Variants in MFN2 observed in about 807,000 individuals in gnomAD.
MFN2 encodes mitofusin 2.
In MFN2, 43 loss-of-function variants were observed where a neutral mutation model predicts 87.5. That is an observed-to-expected ratio of 0.49 (90% CI 0.38 to 0.63). MFN2 has a LOEUF of 0.63. Among genes scored for constraint, MFN2 ranks in the 30% least tolerant of loss-of-function variants. MFN2 has a pLI of 0.00. For missense variants in MFN2, 743 were observed against 972.8 expected, an observed-to-expected ratio of 0.76 and a Z score of 3.14; for synonymous variants, 337 against 359.9, an observed-to-expected ratio of 0.94 and a Z score of 0.72.
At chr1:11,991,623 G>A (rs1356402548) in intron 3 of MFN2, among the ~76,000 whole-genome samples, 2 of 152,132 alleles carry the variant, frequency 1.3e-5, no homozygotes, top group Non-Finnish European at 2.9e-5. Context: ...GGCAGGGAGG[G>A]CCTCAAGAAG....
intron 3 of MFN2, among the ~76,000 whole-genome samples, chr1:11,989,646 G>C (rs1034841058): frequency 6.6e-6 from 1 of 152,142 alleles, no homozygotes; most frequent in Non-Finnish European, 1.5e-5. Context: ...AGAGTTGTCC[G>C]ATACCTTGTA....
At position 11,996,248 on chromosome 1, in the gene MFN2, G is replaced by A. The variant is rs1443036026; in HGVS notation, c.404G>A (p.Arg135Gln). The change falls in exon 5 of 19, where the codon CGG becomes CAG. Residue 135 changes from arginine (R) to glutamine (Q), a missense_variant. Transcript: ENST00000235329. ...GGCCACACCACCAATTGCTTCCTGC[G>A]GGTAGAGGGCACAGATGGCCATGAG... is the stretch of plus-strand genomic sequence containing the variant. ...GIGHTTNCFL[R>Q]VEGTDGHEAF... is the part of the protein sequence containing the mutation. 1.2e-6 allele frequency: 2 copies of A among 1,614,072 alleles called. No homozygotes were observed. The highest frequency in any genetic ancestry group is 1.3e-5 in the African/African-American group (1 of 74,926).
chr1:12,001,875 T>TCCCCAGCTCCCATTGGCTGTGTCC, intron 10 of MFN2, 39 bp downstream of exon 10: 8 of 1,613,744 alleles, frequency 5.0e-6, no homozygotes, highest in Non-Finnish European at 6.8e-6. Flanking sequence ...ATTCTGTGCC[T>TCCCCAGCTCCCATTGGCTGTGTCC]CCCCAGCTCC....
chr1:11,998,823 TG>T lies in MFN2; in HGVS notation c.655del (p.Asp219MetfsTer15). 1 of 1,614,182 alleles carries T rather than the reference TG, an allele frequency of 6.2e-7. No homozygotes were observed. Among genetic ancestry groups the T allele is most frequent in the Non-Finnish European group, 8.5e-7 (1 of 1,180,034 alleles). On this transcript the variant is annotated frameshift_variant, in exon 7 of 19. Coordinates refer to ENST00000235329, the MANE Select transcript of MFN2 (RefSeq NM_014874.4). LOFTEE classifies it high-confidence loss of function. The stretch of plus-strand genomic sequence containing the variant: ...GACAGCTGGATTGACAAGTTTTGTC[TG>T]GATGCTGATGTGTTTGTGCTGGTGG... The part of the protein sequence containing the change: ...ELDSWIDKFC[L>X]DADVFVLVAN...
At chr1:11,986,098 T>C (rs1638392882) in intron 2 of MFN2, among the ~76,000 whole-genome samples, 1 of 152,202 alleles carries the variant, frequency 6.6e-6, no homozygotes, top group South Asian at 2.1e-4. Flanking sequence ...AACTTGTTGG[T>C]TTGGGCACAC....
chr1:11,988,858 G>A (rs535940509), intron 2 of MFN2, among the ~76,000 whole-genome samples: 1 of 151,912 alleles, frequency 6.6e-6, no homozygotes, highest in South Asian at 2.1e-4. Flanking sequence ...GTGCCATTGG[G>A]TCTGGCTAAT....
chr1:11,982,819 T>G (rs1646009870), intron 2 of MFN2, among the ~76,000 whole-genome samples: 1 of 152,214 alleles, frequency 6.6e-6, no homozygotes, highest in Non-Finnish European at 1.5e-5. Flanking sequence ...CCTGGCACTT[T>G]TTAGGGGTAG....
At chr1:12,005,458 TG>T (rs1379033174) in intron 14 of MFN2, among the ~76,000 whole-genome samples, 2 of 152,352 alleles carry the variant, frequency 1.3e-5, no homozygotes, top group East Asian at 3.9e-4. Context: ...GGCTGAGAAT[TG>T]GGCCTGCTCC....
At chr1:11,988,633 T>G (rs1278885311) in intron 2 of MFN2, among the ~76,000 whole-genome samples, 1 of 152,052 alleles carries the variant, frequency 6.6e-6, no homozygotes, top group East Asian at 1.9e-4. Flanking sequence ...ACTCCTGGGC[T>G]CAAGTGACCC....
intron 11 of MFN2, 31 bp downstream of exon 11, chr1:12,002,134 AGAGCTGC>A: frequency 6.2e-7 from 1 of 1,613,884 alleles, no homozygotes; most frequent in South Asian, 1.1e-5. Flanking sequence ...ATAGGTGGAG[AGAGCTGC>A]CGAGACAAGG....
chr1:11,993,940 G>A (rs17039500), intron 4 of MFN2, among the ~76,000 whole-genome samples: 3,525 of 152,214 alleles, frequency 0.023, 129 homozygotes, highest in African/African-American at 0.08. Flanking sequence ...TACAAATAAT[G>A]GAGTGTGAAC....
intron 3 of MFN2, among the ~76,000 whole-genome samples, chr1:11,989,683 T>G (rs375374318): frequency 6.6e-6 from 1 of 152,210 alleles, no homozygotes; most frequent in Non-Finnish European, 1.5e-5. Context: ...TTTACCCAGG[T>G]GTCTCCAACT....
chr1:12,002,216 C>G, intron 11 of MFN2, 113 bp downstream of exon 11: 2 of 1,536,594 alleles, frequency 1.3e-6, no homozygotes, highest in Non-Finnish European at 8.9e-7. Context: ...CTCTGGGCTC[C>G]CATCCAGAGC....
rs988877746 is a variant in MFN2, at chr1:12,006,988, G to A, written c.1873-65G>A. On this transcript the variant is annotated intron_variant, in intron 16 of 18. Transcript: ENST00000235329. ...GGGCCCTTCAGATGGCCCTGGTAGT[G>A]ATGGGCCCCAGAGGAGGGTGGGCCA... 135 of 1,590,012 alleles carry A rather than the reference G, an allele frequency of 8.5e-5. No homozygotes were observed. The Middle Eastern group carries it at 1.3e-3, about 16-fold the overall frequency.
At chr1:11,983,445 C>T (rs1638223810) in intron 2 of MFN2, among the ~76,000 whole-genome samples, 1 of 152,186 alleles carries the variant, frequency 6.6e-6, no homozygotes, top group African/African-American at 2.4e-5. Flanking sequence ...AAGTCGAGTT[C>T]TGTGGACCAC....
At chr1:12,008,122 C>G (rs1482332231) in intron 17 of MFN2, among the ~76,000 whole-genome samples, 1 of 152,200 alleles carries the variant, frequency 6.6e-6, no homozygotes. Context: ...TAGTACAGAA[C>G]AAAATGGAGT....
intron 17 of MFN2, 137 bp from the exon 18 acceptor site, chr1:12,009,455 A>T: frequency 7.9e-7 from 1 of 1,271,370 alleles, no homozygotes; most frequent in Non-Finnish European, 1.1e-6. Flanking sequence ...AGATTCTGCC[A>T]AACCAGGCCT....
At chr1:11,993,773 G>C (rs1023427526) in intron 4 of MFN2, among the ~76,000 whole-genome samples, 24 of 151,248 alleles carry the variant, frequency 1.6e-4, no homozygotes, top group African/African-American at 5.6e-4. Context: ...TTAAATACGT[G>C]TTTTTTTTGT....
chr1:11,999,689 C>T (rs563643094), intron 8 of MFN2, among the ~76,000 whole-genome samples: 54 of 151,814 alleles, frequency 3.6e-4, no homozygotes, highest in Middle Eastern at 6.8e-3. Context: ...AAATGAAAGA[C>T]AAAAGGGTAA....
Sources: gnomAD v4.1 joint callset for allele counts (sites outside exome capture counted in the v4.1 genomes callset) on GRCh38, gnomAD v4.1.1 for gene constraint, MANE v1.5 for transcripts, NCBI Gene and HGNC (gene_info 2026-07-23, HGNC 2026-07-21) for gene names.